The following OGDH variants were observed in gnomAD, a reference collection of about 807,000 sequenced individuals.
OGDH encodes oxoglutarate dehydrogenase.
A neutral mutation model predicts 116.6 loss-of-function variants in OGDH; 38 were observed. That is an observed-to-expected ratio of 0.33 (90% CI 0.25 to 0.43). OGDH has a LOEUF of 0.43. Ranked by LOEUF, OGDH falls within the 20% of genes least tolerant of loss-of-function variation. OGDH has a pLI of 1.00. For missense variants in OGDH, 825 were observed against 1,357.2 expected, an observed-to-expected ratio of 0.61 and a Z score of 6.16; for synonymous variants, 488 against 533.3, an observed-to-expected ratio of 0.92 and a Z score of 1.17.
At position 44,697,972 on chromosome 7, in the gene OGDH, A is replaced by C. The variant is rs111428226; in HGVS notation, c.2358+190A>C. ...AGTAGCCCATCTGGATGTGGCTAGC[A>C]TGCCCCGTCCCTGCTGGTGCAGACT... is the stretch of plus-strand genomic sequence containing the variant. On this transcript the variant is annotated intron_variant, in intron 17 of 22. Coordinates refer to ENST00000222673, the MANE Select transcript of OGDH (RefSeq NM_002541.4). The surrounding 1 kb of genome is among the most constrained non-coding windows in gnomAD (Gnocchi z 6.0). Among the ~76,000 whole-genome samples, 4,028 of 152,266 alleles carry C rather than the reference A, an allele frequency of 0.026. 180 individuals carry two copies. Among genetic ancestry groups the C allele is most frequent in the African/African-American group, 0.091 (3,798 of 41,526 alleles).
chr7:44,642,720 G>A (rs931351668), intron 2 of OGDH, among the ~76,000 whole-genome samples: 1 of 151,810 alleles, frequency 6.6e-6, no homozygotes, highest in Admixed American at 6.6e-5. Context: ...TCAGGAGTTC[G>A]AGACCAGCCT....
intron 4 of OGDH, among the ~76,000 whole-genome samples, chr7:44,649,259 T>G (rs963981779): frequency 1.2e-4 from 18 of 147,248 alleles, no homozygotes; most frequent in Non-Finnish European, 2.1e-4. Context: ...TTTTTTTTTT[T>G]TTTTTTTTGA....
rs979416551 is a variant in OGDH at position 44,697,160 on chromosome 7, G to A, written c.2051+96G>A. On this transcript the variant is annotated intron_variant, in intron 15 of 22. Coordinates refer to ENST00000222673, the MANE Select transcript of OGDH (RefSeq NM_002541.4). The surrounding 1 kb of genome is among the most constrained non-coding windows in gnomAD (Gnocchi z 6.0). Reference sequence around the variant, plus strand: ...TTTTCCGGAAGACGGTTAGAAACCGGAAGAGTCACATTGCTCTCAGGCTGA... The same window carrying A: ...TTTTCCGGAAGACGGTTAGAAACCGAAAGAGTCACATTGCTCTCAGGCTGA... 189 of 1,527,150 alleles carry A rather than the reference G, an allele frequency of 1.2e-4. No homozygotes were observed. In the African/African-American group the frequency reaches 2.3e-3, roughly 19 times the overall value. The allele number at this position is 1,527,150 out of a possible 1,614,324, so 94.6% of individuals were successfully genotyped here. A position where few individuals can be genotyped will look rare whatever the true frequency, so the allele number is the denominator to read the frequency against.
intron 2 of OGDH, among the ~76,000 whole-genome samples, chr7:44,633,252 CA>C (rs1163808681): frequency 0.11 from 8,734 of 81,540 alleles, 431 homozygotes; most frequent in East Asian, 0.39. Flanking sequence ...GACTCTGTGT[CA>C]AAAAAAAAAA....
At chr7:44,625,810 T>A (rs1363978586) in intron 2 of OGDH, among the ~76,000 whole-genome samples, 2 of 130,452 alleles carry the variant, frequency 1.5e-5, no homozygotes, top group Non-Finnish European at 3.5e-5. Context: ...CACTTACGAA[T>A]TTTTTTTTTT....
At chr7:44,656,286 G>C in intron 4 of OGDH, 1 of 1,535,178 alleles carries the variant, frequency 6.5e-7, no homozygotes, top group Middle Eastern at 1.7e-4. Flanking sequence ...TTCCTTCTGC[G>C]CTCACCCATG....
In OGDH at chr7:44,611,394, G is replaced by T. The variant is rs191821065; in HGVS notation, c.-28+4741G>T. Reference sequence around the variant, plus strand: ...TGCCATTCTCCCACCTCAGCCTCCTGAGTAGCTGGGACTACAGGTGCCCGC... The same window carrying T: ...TGCCATTCTCCCACCTCAGCCTCCTTAGTAGCTGGGACTACAGGTGCCCGC... On this transcript the variant is annotated intron_variant, in intron 1 of 22. Coordinates refer to ENST00000222673, the MANE Select transcript of OGDH (RefSeq NM_002541.4). Among the ~76,000 whole-genome samples the T allele has an allele frequency of 3.8e-3, 573 of 152,048 alleles. 6 individuals carry two copies. Among genetic ancestry groups the T allele is most frequent in the African/African-American group, 0.013 (520 of 41,478 alleles).
chr7:44,671,645 A>G (rs1787460175), intron 5 of OGDH, among the ~76,000 whole-genome samples: 1 of 150,464 alleles, frequency 6.6e-6, no homozygotes, highest in East Asian at 2.0e-4. Context: ...GCATGCACCT[A>G]TAGTCCCAGC....
At chr7:44,689,498 C>T (rs534758833) in intron 10 of OGDH, among the ~76,000 whole-genome samples, 2 of 149,958 alleles carry the variant, frequency 1.3e-5, no homozygotes, top group African/African-American at 4.9e-5. Flanking sequence ...CTCAGCCTCC[C>T]AGAATGTTGG....
intron 2 of OGDH, among the ~76,000 whole-genome samples, chr7:44,634,710 G>A (rs1785588076): frequency 6.6e-6 from 1 of 152,196 alleles, no homozygotes; most frequent in Non-Finnish European, 1.5e-5. Flanking sequence ...ACCAGGCCTG[G>A]ATCACAGTGC....
intron 4 of OGDH, among the ~76,000 whole-genome samples, chr7:44,652,171 C>T (rs1366945310): frequency 1.3e-5 from 2 of 151,226 alleles, no homozygotes; most frequent in East Asian, 2.0e-4. Flanking sequence ...TGCAATGGCA[C>T]GACCTCATTT....
At chr7:44,674,866 G>C in intron 7 of OGDH, 1 of 531,724 alleles carries the variant, frequency 1.9e-6, no homozygotes, top group Non-Finnish European at 3.4e-6. Context: ...AGGGAAGGCT[G>C]CTTCCTGACA....
intron 12 of OGDH, among the ~76,000 whole-genome samples, chr7:44,695,207 T>C (rs1788528213): frequency 6.6e-6 from 1 of 152,104 alleles, no homozygotes; most frequent in South Asian, 2.1e-4. Flanking sequence ...GCAGTTTTCA[T>C]GTCTCAGCGT....
Position 44,707,381 on chromosome 7 carries a change from T to C in OGDH, c.2789T>C (p.Ile930Thr). 1 of 1,614,148 alleles carries C rather than the reference T, an allele frequency of 6.2e-7. No individual in the cohort carries two copies. Among genetic ancestry groups the C allele is most frequent in the Non-Finnish European group, 8.5e-7 (1 of 1,180,014 alleles). ...DMVGQVAITR[I>T]EQLSPFPFDL... ...GTGGGGCAGGTGGCCATCACAAGGA[T>C]TGAGCAGGTGAGGGCAGGTGGTGCC... Residue 930 changes from isoleucine (I) to threonine (T), a missense_variant, in exon 21 of 23, where the codon ATT becomes ACT. Coordinates refer to ENST00000222673, the MANE Select transcript of OGDH (RefSeq NM_002541.4). The surrounding 1 kb of genome is among the most constrained non-coding windows in gnomAD (Gnocchi z 5.2).
chr7:44,632,924 T>G (rs990899296), intron 2 of OGDH, among the ~76,000 whole-genome samples: 10 of 151,906 alleles, frequency 6.6e-5, no homozygotes, highest in Non-Finnish European at 8.8e-5. Context: ...AAAATTTTGT[T>G]TAATGTCAGA....
chr7:44,690,143 G>A (rs560941099), intron 10 of OGDH, among the ~76,000 whole-genome samples: 2 of 152,362 alleles, frequency 1.3e-5, no homozygotes, highest in East Asian at 3.9e-4. Flanking sequence ...GTTAGCTCCA[G>A]TGGGTGGCTA....
chr7:44,636,235 A>G (rs979300633), intron 2 of OGDH, among the ~76,000 whole-genome samples: 4 of 152,326 alleles, frequency 2.6e-5, no homozygotes, highest in African/African-American at 4.8e-5. Flanking sequence ...CTGCATGACA[A>G]TGGGTGTCAG....
chr7:44,687,208 C>T (rs997607471), intron 10 of OGDH, among the ~76,000 whole-genome samples: 1 of 149,464 alleles, frequency 6.7e-6, no homozygotes, highest in Non-Finnish European at 1.5e-5. Context: ...AGCGATTCTC[C>T]TGCTTCAGTC....
At chr7:44,608,643 C>G (rs1349484687) in intron 1 of OGDH, among the ~76,000 whole-genome samples, 1 of 151,914 alleles carries the variant, frequency 6.6e-6, no homozygotes, top group Non-Finnish European at 1.5e-5. Flanking sequence ...ATCGCTTGAA[C>G]GCAGGAGGCA....
Sources: allele counts gnomAD v4.1 joint callset (sites outside exome capture counted in the v4.1 genomes callset), GRCh38; gene constraint gnomAD v4.1.1; non-coding constraint Gnocchi (gnomAD v3.1); transcripts MANE v1.5; gene names NCBI Gene and HGNC (gene_info 2026-07-23, HGNC 2026-07-21).